Variants in HNRNPUL1 observed in about 807,000 individuals in gnomAD.
HNRNPUL1 encodes heterogeneous nuclear ribonucleoprotein U-like protein 1.
In HNRNPUL1, 14 loss-of-function variants were observed where a neutral mutation model predicts 108.5. That is an observed-to-expected ratio of 0.13 (90% CI 0.09 to 0.20). The LOEUF (loss-of-function observed/expected upper bound fraction) is 0.20. Among genes scored for constraint, HNRNPUL1 ranks in the 10% least tolerant of loss-of-function variants. HNRNPUL1 has a pLI of 1.00. For missense variants in HNRNPUL1, 804 were observed against 1,168.3 expected (o/e 0.69, Z 4.55); for synonymous variants, 422 against 445.2 (o/e 0.95, Z 0.66).
chr19:41,265,072 G>T (rs1599754842), intron 1 of HNRNPUL1: 1 of 1,416,296 alleles, frequency 7.1e-7, no homozygotes, highest in Non-Finnish European at 9.2e-7. Flanking sequence ...CGTAGGGATC[G>T]GAGACCGGAA....
chr19:41,269,678 T>A (rs1263427103), intron 2 of HNRNPUL1, among the ~76,000 whole-genome samples: 1 of 149,908 alleles, frequency 6.7e-6, no homozygotes, highest in Admixed American at 6.7e-5. Flanking sequence ...GGTGACATGC[T>A]TGTAGTCCCA....
rs201362715 is a variant in HNRNPUL1, at chr19:41,272,165, T to A, written c.502T>A (p.Phe168Ile). ...ASQLKPDRQQ[F>I]QSRKRPYEEN... is the part of the protein sequence containing the mutation. ...TCAACTCAAGCCAGACAGGCAGCAA[T>A]TCCAGAGTCGAAAGAGGCCTTATGA... Residue 168 changes from phenylalanine (F) to isoleucine (I), a missense_variant, in exon 3 of 15, where the codon TTC becomes ATC. This residue lies in a region of HNRNPUL1 where 256 missense variants were observed against 261.6 expected (regional missense o/e 0.98). Coordinates refer to ENST00000392006, the MANE Select transcript of HNRNPUL1 (RefSeq NM_007040.6). 1 of 1,614,102 alleles carries A rather than the reference T, an allele frequency of 6.2e-7. No individual in the cohort carries two copies. Among genetic ancestry groups the A allele is most frequent in the Non-Finnish European group, 8.5e-7 (1 of 1,180,020 alleles).
intron 7 of HNRNPUL1, among the ~76,000 whole-genome samples, chr19:41,285,371 G>A (rs1028803161): frequency 3.3e-5 from 5 of 152,080 alleles, no homozygotes; most frequent in African/African-American, 7.3e-5. Flanking sequence ...TTACATACTT[G>A]CGCCACCACA....
intron 10 of HNRNPUL1, among the ~76,000 whole-genome samples, chr19:41,296,087 G>A (rs1835941294): frequency 6.6e-6 from 1 of 152,188 alleles, no homozygotes. Context: ...TTAACACTCT[G>A]AGGATACATA....
intron 7 of HNRNPUL1, among the ~76,000 whole-genome samples, chr19:41,284,367 A>G (rs559793086): frequency 2.0e-5 from 3 of 152,348 alleles, no homozygotes; most frequent in East Asian, 3.9e-4. Flanking sequence ...ACTTTTTATC[A>G]TATATTGACA....
intron 7 of HNRNPUL1, among the ~76,000 whole-genome samples, chr19:41,286,012 T>C (rs1159247777): frequency 6.6e-6 from 1 of 151,120 alleles, no homozygotes; most frequent in African/African-American, 2.4e-5. Flanking sequence ...TTACCAAAAA[T>C]AGAAATAAAA....
At chr19:41,282,700 T>C (rs1038461354) in intron 7 of HNRNPUL1, among the ~76,000 whole-genome samples, 10 of 150,294 alleles carry the variant, frequency 6.7e-5, no homozygotes, top group Non-Finnish European at 1.0e-4. Context: ...TTCTTTTTTT[T>C]TTTTTTTGAG....
chr19:41,305,732 CCCACCGCCT>C lies in HNRNPUL1; in HGVS notation c.2325_2333del (p.Pro780_Pro782del). Reference sequence around the variant, plus strand: ...GAGGTTACAGCCAGGGCTACACAGCCCCACCGCCTCCACCTCCACCACCACCTGCCTACA... The same window carrying C: ...GAGGTTACAGCCAGGGCTACACAGCCCCACCTCCACCACCACCTGCCTACA... On this transcript the variant is annotated inframe_deletion, in exon 14 of 15. Coordinates refer to ENST00000392006, the MANE Select transcript of HNRNPUL1 (RefSeq NM_007040.6). The C allele has an allele frequency of 6.2e-7, 1 of 1,614,146 alleles. No individual in the cohort carries two copies.
chr19:41,299,657 G>T (rs929056107), intron 10 of HNRNPUL1, among the ~76,000 whole-genome samples: 1 of 152,066 alleles, frequency 6.6e-6, no homozygotes, highest in African/African-American at 2.4e-5. Context: ...TCTTTCAGAC[G>T]AGGAAATTTG....
In HNRNPUL1 at chr19:41,277,903, T is replaced by TA. The variant is rs1176415081; in HGVS notation, c.787-1173dup. On this transcript the variant is annotated intron_variant, in intron 5 of 14. Coordinates refer to ENST00000392006, the MANE Select transcript of HNRNPUL1 (RefSeq NM_007040.6). Reference sequence around the variant, plus strand: ...AAAAGCCAGTGAGGCCACAGGTAGATACGGATATTCGGCAGTCTAGTCTTT... The same window carrying TA: ...AAAAGCCAGTGAGGCCACAGGTAGATAACGGATATTCGGCAGTCTAGTCTTT... Among the ~76,000 whole-genome samples the TA allele has an allele frequency of 2.6e-5, 4 of 152,210 alleles. No homozygotes were observed. The East Asian group carries it at 7.7e-4, about 29-fold the overall frequency.
rs535364939 is a variant in HNRNPUL1, at chr19:41,285,992, A to G, written c.999+4717A>G. 3.5e-4 allele frequency among the ~76,000 whole-genome samples: 54 copies of G among 152,250 alleles called. 2 individuals carry two copies. In the South Asian group the frequency reaches 1.0e-2, roughly 28 times the overall value. Reference sequence around the variant, plus strand: ...AAGACCAGCCTGGGCAACATAAGGAAACCCTGTCTTTACCAAAAATAGAAA... The same window carrying G: ...AAGACCAGCCTGGGCAACATAAGGAGACCCTGTCTTTACCAAAAATAGAAA... On this transcript the variant is annotated intron_variant, in intron 7 of 14. Coordinates refer to ENST00000392006, the MANE Select transcript of HNRNPUL1 (RefSeq NM_007040.6).
In HNRNPUL1 at chr19:41,294,248, CAG is replaced by C; in HGVS notation, c.1267-87_1267-86del. On this transcript the variant is annotated intron_variant, in intron 8 of 14. Transcript: ENST00000392006. This position sits in a 1 kb window ranked among gnomAD's most constrained non-coding sequence, Gnocchi z 4.3. ...CCGCTTTGTAGAGGCAGCCACAGCT[CAG>C]AGGTCCAGAGTCACACTCACAGTCA... The C allele has an allele frequency of 6.8e-7, 1 of 1,470,932 alleles. No individual in the cohort carries two copies. Among genetic ancestry groups the C allele is most frequent in the Non-Finnish European group, 9.4e-7 (1 of 1,065,514 alleles). 91.1% of individuals were successfully genotyped at this position (1,470,932 alleles called of 1,614,324 possible).
rs117389076 is a variant in HNRNPUL1, at chr19:41,299,973, C to G, written c.1519-1563C>G. ...GGGCTTTTACTCACGTGGACTCATT[C>G]AGTCCTCACAGCAACCCTAAGACAT... On this transcript the variant is annotated intron_variant, in intron 10 of 14. Coordinates refer to ENST00000392006, the MANE Select transcript of HNRNPUL1 (RefSeq NM_007040.6). Among the ~76,000 whole-genome samples, 59 of 152,190 alleles carry G rather than the reference C, an allele frequency of 3.9e-4. No individual in the cohort carries two copies. The East Asian group carries it at 0.011, about 28-fold the overall frequency.
intron 1 of HNRNPUL1, among the ~76,000 whole-genome samples, chr19:41,267,659 T>C (rs1048212976): frequency 2.0e-5 from 3 of 152,244 alleles, no homozygotes; most frequent in Non-Finnish European, 4.4e-5. Context: ...TCCCTTTGGT[T>C]CTGGCTCACG....
At chr19:41,267,987 T>G in intron 1 of HNRNPUL1, 2 of 382,670 alleles carry the variant, frequency 5.2e-6, no homozygotes, top group Non-Finnish European at 9.4e-6. Context: ...CATATTAAAT[T>G]TTTGTGTGTC....
At position 41,272,223 on chromosome 19, in the gene HNRNPUL1, G is replaced by T; in HGVS notation, c.560G>T (p.Arg187Leu). The T allele has an allele frequency of 6.2e-7, 1 of 1,613,558 alleles. No individual in the cohort carries two copies. The highest frequency in any genetic ancestry group is 8.5e-7 in the Non-Finnish European group (1 of 1,179,898). ...ENRGRGYFEH[R>L]EDRRGRSPQP... ...CGGGGACGGGGGTACTTTGAGCACC[G>T]AGAGGATAGGAGGTGGGTGTATGAG... is the stretch of plus-strand genomic sequence containing the variant. The change falls in exon 3 of 15, where the codon CGA becomes CTA. Residue 187 changes from arginine to leucine, a missense_variant. By Grantham distance (102) the Arg-to-Leu change is moderately radical. Around this residue, in one of 4 missense-constraint regions of HNRNPUL1, gnomAD observed 174 missense variants for 296.6 expected, o/e 0.59. Transcript: ENST00000392006.
At chr19:41,293,939 C>A (rs754361584) in intron 8 of HNRNPUL1, among the ~76,000 whole-genome samples, 13 of 152,126 alleles carry the variant, frequency 8.5e-5, no homozygotes, top group Admixed American at 3.3e-4. Context: ...CCTGGGAGTT[C>A]AAGGCTGCAG....
intron 4 of HNRNPUL1, among the ~76,000 whole-genome samples, chr19:41,274,824 G>A (rs994633102): frequency 1.3e-5 from 2 of 152,184 alleles, no homozygotes; most frequent in Non-Finnish European, 2.9e-5. Context: ...TTTAGTAAGA[G>A]ATAAAAATAT....
chr19:41,275,711 TG>T (rs1351723197), intron 4 of HNRNPUL1, among the ~76,000 whole-genome samples: 1 of 152,188 alleles, frequency 6.6e-6, no homozygotes, highest in Non-Finnish European at 1.5e-5. Context: ...AGGGGTGTGC[TG>T]GTTCCTTTTG....
Sources: gnomAD v4.1 joint callset for allele counts (sites outside exome capture counted in the v4.1 genomes callset) on GRCh38, gnomAD v4.1.1 for gene constraint, gnomAD v4.1.1 regional missense constraint, Gnocchi (gnomAD v3.1) non-coding constraint, MANE v1.5 for transcripts, NCBI Gene and HGNC (gene_info 2026-07-23, HGNC 2026-07-21) for gene names.